The following DOCK1 variants were observed in gnomAD, a reference collection of about 807,000 sequenced individuals.
The protein encoded by DOCK1 is dedicator of cytokinesis 1, also known as dedicator of cytokinesis protein 1.
DOCK1 carries 138 observed loss-of-function variants against 262.7 expected under a neutral mutation model. The observed-to-expected ratio is 0.53, with a 90% CI of 0.46 to 0.61. The LOEUF is 0.61. DOCK1 is among the 20% of genes least tolerant of loss of function. The pLI is 0.00. For missense variants in DOCK1, 1,908 were observed against 2,370.7 expected (o/e 0.80, Z 4.05); for synonymous variants, 866 against 867.4 (o/e 1.00, Z 0.03).
At chr10:127,160,108 A>C (rs2053463291) in intron 27 of DOCK1, among the ~76,000 whole-genome samples, 1 of 151,358 alleles carries the variant, frequency 6.6e-6, no homozygotes, top group Non-Finnish European at 1.5e-5. Context: ...ATAACAAAAC[A>C]TGAATTGTTT....
intron 27 of DOCK1, among the ~76,000 whole-genome samples, chr10:127,179,854 A>C (rs912624365): frequency 6.6e-6 from 1 of 152,216 alleles, no homozygotes; most frequent in African/African-American, 2.4e-5. Context: ...AAGTGCTCCT[A>C]TGTGCTAATC....
chr10:127,143,443 C>T (rs979040761), intron 27 of DOCK1, among the ~76,000 whole-genome samples: 8 of 152,210 alleles, frequency 5.3e-5, no homozygotes, highest in Admixed American at 3.3e-4. Context: ...AATCACCTCA[C>T]CTTGGGGACC....
chr10:127,025,452 C>A (rs1207782835), intron 15 of DOCK1, among the ~76,000 whole-genome samples: 2 of 151,988 alleles, frequency 1.3e-5, no homozygotes, highest in Admixed American at 1.3e-4. Flanking sequence ...AAAACGGCAA[C>A]TTTTCTTTTT....
chr10:127,213,139 G>C (rs533892330), intron 27 of DOCK1, among the ~76,000 whole-genome samples: 65 of 152,256 alleles, frequency 4.3e-4, no homozygotes, highest in African/African-American at 1.4e-3. Flanking sequence ...TATATGCATA[G>C]ATATTTCTTT....
At chr10:127,164,599 G>A (rs953194907) in intron 27 of DOCK1, among the ~76,000 whole-genome samples, 1 of 152,164 alleles carries the variant, frequency 6.6e-6, no homozygotes, top group Non-Finnish European at 1.5e-5. Flanking sequence ...GTATTTTATA[G>A]ACATTATTAT....
chr10:127,273,536 C>G (rs1381123168), intron 29 of DOCK1, among the ~76,000 whole-genome samples: 49 of 152,162 alleles, frequency 3.2e-4, no homozygotes, highest in Admixed American at 3.2e-3. Flanking sequence ...AAGTAAATGG[C>G]CATCTCATTG....
chr10:126,912,681 G>C (rs1272227592), intron 1 of DOCK1, among the ~76,000 whole-genome samples: 1 of 149,724 alleles, frequency 6.7e-6, no homozygotes, highest in African/African-American at 2.5e-5. Context: ...AGCCGAGATC[G>C]CGCCACCGTA....
chr10:127,415,103 C>T, intron 43 of DOCK1, 49 bp from the exon 44 acceptor site: 1 of 1,568,542 alleles, frequency 6.4e-7, no homozygotes, highest in East Asian at 2.2e-5. Context: ...AGCTGTCCAC[C>T]TGCTGACATC....
At chr10:127,326,603 A>G (rs7904412) in intron 29 of DOCK1, among the ~76,000 whole-genome samples, 68,360 of 152,052 alleles carry the variant, frequency 0.45, 16,314 homozygotes, top group African/African-American at 0.62. Flanking sequence ...GTCAAAGTCA[A>G]CCATGAAGAT....
chr10:127,444,774 G>A (rs1172235900), intron 50 of DOCK1, among the ~76,000 whole-genome samples: 3 of 152,090 alleles, frequency 2.0e-5, no homozygotes, highest in African/African-American at 7.2e-5. Flanking sequence ...TGAAGGTTTT[G>A]GAGGCCAAAA....
intron 1 of DOCK1, among the ~76,000 whole-genome samples, chr10:126,928,329 TC>T (rs1591346630): frequency 1.3e-5 from 2 of 152,228 alleles, no homozygotes; most frequent in African/African-American, 4.8e-5. Context: ...TGTCCATGCG[TC>T]CCAGGCCCTG....
chr10:127,432,174 C>T (rs1224809300), intron 47 of DOCK1, among the ~76,000 whole-genome samples: 1 of 152,134 alleles, frequency 6.6e-6, no homozygotes, highest in Non-Finnish European at 1.5e-5. Flanking sequence ...GGGACAACTG[C>T]TTTACAGAAA....
At chr10:127,298,109 A>C (rs1278205560) in intron 29 of DOCK1, among the ~76,000 whole-genome samples, 2 of 152,170 alleles carry the variant, frequency 1.3e-5, no homozygotes, top group Non-Finnish European at 2.9e-5. Context: ...TATTATTAAG[A>C]TCAGATTGGT....
chr10:127,318,930 G>A (rs1339474114), intron 29 of DOCK1, among the ~76,000 whole-genome samples: 1 of 152,202 alleles, frequency 6.6e-6, no homozygotes, highest in Non-Finnish European at 1.5e-5. Flanking sequence ...GAAAGGCTTT[G>A]GAGTGTGGGT....
intron 1 of DOCK1, among the ~76,000 whole-genome samples, chr10:126,942,284 A>C (rs2035075642): frequency 6.6e-6 from 1 of 152,144 alleles, no homozygotes; most frequent in East Asian, 1.9e-4. Flanking sequence ...CGGCCTCCCG[A>C]AGTGCTGGGA....
In DOCK1 at chr10:127,291,238, C is replaced by G. The variant is rs183494224; in HGVS notation, c.3044+33809C>G. On this transcript the variant is annotated intron_variant, in intron 29 of 51. Transcript: ENST00000623213. ...GTGTCACGTGGATTTACTGGACAGACCATTTGCACACATGTGAGGCAAGTG... is the reference window on the plus strand; with the variant it reads ...GTGTCACGTGGATTTACTGGACAGAGCATTTGCACACATGTGAGGCAAGTG... Among the ~76,000 whole-genome samples the G allele has an allele frequency of 6.8e-3, 1,038 of 152,318 alleles. 4 individuals are homozygous for G. The highest frequency in any genetic ancestry group is 8.9e-3 in the Non-Finnish European group (603 of 68,030).
chr10:127,379,932 C>A (rs1042324981), intron 35 of DOCK1, 150 bp from the exon 36 acceptor site: 2 of 622,036 alleles, frequency 3.2e-6, no homozygotes, highest in African/African-American at 3.8e-5. Context: ...GATGGTTTTG[C>A]AATTTATGTG....
intron 1 of DOCK1, among the ~76,000 whole-genome samples, chr10:126,962,990 C>T (rs1011843375): frequency 6.6e-6 from 1 of 152,062 alleles, no homozygotes; most frequent in South Asian, 2.1e-4. Context: ...ACTGTCCTCT[C>T]CCCATTGAAT....
chr10:126,964,631 G>A (rs2037523740), intron 1 of DOCK1, among the ~76,000 whole-genome samples: 2 of 152,250 alleles, frequency 1.3e-5, no homozygotes, highest in Non-Finnish European at 2.9e-5. Flanking sequence ...TAACGTTTAA[G>A]TTGCTACTTG....
Sources: allele counts gnomAD v4.1 joint callset (sites outside exome capture counted in the v4.1 genomes callset), GRCh38; gene constraint gnomAD v4.1.1; transcripts MANE v1.5; gene names NCBI Gene and HGNC (gene_info 2026-07-23, HGNC 2026-07-21).